Variants in SMCO2 observed in about 807,000 individuals in gnomAD.
SMCO2 encodes single-pass membrane and coiled-coil domain-containing protein 2.
In SMCO2, 25 loss-of-function variants were observed where a neutral mutation model predicts 29.5. The ratio of observed to expected loss-of-function variants is 0.85; its 90% CI spans 0.62 to 1.18. The LOEUF (loss-of-function observed/expected upper bound fraction) is 1.18. SMCO2 is among the 50% of genes most tolerant of loss of function. The pLI, the probability that SMCO2 is intolerant of heterozygous loss-of-function variation, is 0.00. For synonymous variants in SMCO2, 117 were observed against 123.3 expected, an observed-to-expected ratio of 0.95 and a Z score of 0.34; for missense variants, 348 against 344.5, an observed-to-expected ratio of 1.01 and a Z score of -0.08.
At chr12:27,445,761 C>A in the SMCO2 span, among the ~76,000 whole-genome samples, 1 of 152,172 alleles carries the variant, frequency 6.6e-6, no homozygotes, top group Non-Finnish European at 1.5e-5. Context: ...GAGTGGGTGG[C>A]TTAAACAACA....
At chr12:27,493,090 T>C (rs1942948429) in intron 5 of SMCO2, among the ~76,000 whole-genome samples, 1 of 151,928 alleles carries the variant, frequency 6.6e-6, no homozygotes, top group South Asian at 2.1e-4. Context: ...GAACAGAAAA[T>C]CAATACCACA....
upstream of SMCO2, among the ~76,000 whole-genome samples, chr12:27,462,402 G>A (rs528186566): frequency 3.3e-5 from 5 of 152,054 alleles, no homozygotes; most frequent in South Asian, 2.1e-4. Flanking sequence ...TTTTACTAAC[G>A]GGCTAGAAGC....
At chr12:27,488,255 G>A (rs1423895243) in intron 4 of SMCO2, among the ~76,000 whole-genome samples, 2 of 151,698 alleles carry the variant, frequency 1.3e-5, no homozygotes, top group Non-Finnish European at 2.9e-5. Flanking sequence ...TGTCCAGTTA[G>A]GCCTCATATC....
the SMCO2 span, among the ~76,000 whole-genome samples, chr12:27,447,848 C>T: frequency 2.0e-5 from 3 of 152,038 alleles, no homozygotes; most frequent in Non-Finnish European, 4.4e-5. Context: ...AAACTGTTTT[C>T]GGGCTTCTGT....
At chr12:27,474,820 A>T (rs1016516570) in exon 4 of SMCO2, 2 of 1,551,742 alleles carry the variant, frequency 1.3e-6, no homozygotes, top group Non-Finnish European at 1.7e-6. Context: ...CATGACCAGG[A>T]CCTGAGTAAA....
the SMCO2 span, among the ~76,000 whole-genome samples, chr12:27,450,882 A>G: frequency 2.6e-5 from 4 of 152,208 alleles, no homozygotes; most frequent in African/African-American, 2.4e-5. Context: ...AGTTATGTCC[A>G]TGAACGAGGC....
At chr12:27,435,966 C>T in the SMCO2 span, among the ~76,000 whole-genome samples, 1 of 152,346 alleles carries the variant, frequency 6.6e-6, no homozygotes, top group East Asian at 1.9e-4. Context: ...ATTTATTTCA[C>T]ACAGTCTGGA....
the SMCO2 span, among the ~76,000 whole-genome samples, chr12:27,429,571 T>A: frequency 6.6e-6 from 1 of 152,130 alleles, no homozygotes; most frequent in Non-Finnish European, 1.5e-5. Context: ...ATATTTATAG[T>A]TATGTTTCTA....
At chr12:27,447,655 G>C in the SMCO2 span, among the ~76,000 whole-genome samples, 1 of 151,080 alleles carries the variant, frequency 6.6e-6, no homozygotes, top group South Asian at 2.1e-4. Flanking sequence ...CTACTCGGGA[G>C]GCTAAGGTGG....
At chr12:27,434,789 C>T in the SMCO2 span, among the ~76,000 whole-genome samples, 11 of 152,086 alleles carry the variant, frequency 7.2e-5, no homozygotes, top group African/African-American at 2.7e-4. Context: ...GAAGGGGGTA[C>T]TGTAAGTCAA....
At chr12:27,475,477 G>C in intron 4 of SMCO2, 105 bp from the exon 5 acceptor site, 1 of 1,256,288 alleles carries the variant, frequency 8.0e-7, no homozygotes, top group Non-Finnish European at 1.0e-6. Context: ...TGGTGACAAG[G>C]AAGACTAAAC....
chr12:27,484,197 C>T (rs1949668206), intron 4 of SMCO2, among the ~76,000 whole-genome samples: 1 of 152,128 alleles, frequency 6.6e-6, no homozygotes, highest in African/African-American at 2.4e-5. Context: ...TGGAGACCAT[C>T]CTGGCCAACA....
chr12:27,488,728 A>C lies in SMCO2; in HGVS notation c.450+181A>C, dbSNP rs1157965376. Among the ~76,000 whole-genome samples the C allele has an allele frequency of 3.9e-5, 6 of 152,174 alleles. No homozygotes were observed. In the East Asian group the frequency reaches 1.2e-3, roughly 29 times the overall value. On this transcript the variant is annotated intron_variant, in intron 5 of 7. Coordinates refer to ENST00000298876, the Ensembl canonical transcript of SMCO2. ...CACTGCTTTTATCTGATGACACAAA[A>C]AACCTAGACTTTTCTACTTTACCTA...
At chr12:27,497,432 C>T (rs1943019928) in intron 7 of SMCO2, 2 of 219,690 alleles carry the variant, frequency 9.1e-6, no homozygotes, top group Admixed American at 4.2e-5. Context: ...ATGTTCCATA[C>T]CATTAACCAT....
the SMCO2 span, among the ~76,000 whole-genome samples, chr12:27,452,632 G>A: frequency 3.3e-5 from 5 of 152,044 alleles, no homozygotes; most frequent in African/African-American, 1.2e-4. Flanking sequence ...TGAGACTATA[G>A]GTGTGCACCA....
Position 27,470,605 on chromosome 12 carries a change from C to T in SMCO2, c.-10-17C>T. 2 of 1,546,956 alleles carry T rather than the reference C, an allele frequency of 1.3e-6. No homozygotes were observed. Among genetic ancestry groups the T allele is most frequent in the Non-Finnish European group, 1.7e-6 (2 of 1,144,404 alleles). On this transcript the variant is annotated splice_polypyrimidine_tract_variant and intron_variant, in intron 1 of 7. Coordinates refer to ENST00000298876, the Ensembl canonical transcript of SMCO2. The stretch of plus-strand genomic sequence containing the variant: ...TCTGCCATAAAATCCCTCTTGTTGT[C>T]ATTATTGTCCTTACAGTGCCGAAGA...
chr12:27,442,989 G>A, the SMCO2 span, among the ~76,000 whole-genome samples: 4 of 152,142 alleles, frequency 2.6e-5, no homozygotes, highest in East Asian at 3.8e-4. Flanking sequence ...AAATTGAAGA[G>A]GACATTCTTC....
At chr12:27,468,860 G>T (rs1436555065) in intron 1 of SMCO2, among the ~76,000 whole-genome samples, 3 of 152,176 alleles carry the variant, frequency 2.0e-5, no homozygotes, top group Non-Finnish European at 4.4e-5. Context: ...TCATGTTGTT[G>T]TGAGAACTGA....
Position 27,488,563 on chromosome 12 carries a change from G to T in SMCO2, c.450+16G>T. The T allele has an allele frequency of 6.6e-7, 1 of 1,515,934 alleles. No homozygotes were observed. Among genetic ancestry groups the T allele is most frequent in the African/African-American group, 1.4e-5 (1 of 71,278 alleles). 93.9% of individuals were successfully genotyped at this position (1,515,934 alleles called of 1,614,324 possible). A position where few individuals can be genotyped will look rare whatever the true frequency, so the allele number is the denominator to read the frequency against. On this transcript the variant is annotated intron_variant, in intron 5 of 7. Coordinates refer to ENST00000298876, the Ensembl canonical transcript of SMCO2. ...AAGCACTGAGGTAAGCTAGAGACTT[G>T]GGAAAGACTGAGAGGTTGGGGATTT...
Sources: allele counts gnomAD v4.1 joint callset (sites outside exome capture counted in the v4.1 genomes callset), GRCh38; gene constraint gnomAD v4.1.1; transcripts MANE v1.5; gene names NCBI Gene and HGNC (gene_info 2026-07-23, HGNC 2026-07-21).